TAFA2: variants seen among roughly 807,000 people sequenced by gnomAD.
The protein encoded by TAFA2 is TAFA chemokine like family member 2, also known as chemokine-like protein TAFA-2.
Under a neutral mutation model 18.8 loss-of-function variants are expected in TAFA2, and 7 were observed. The observed-to-expected ratio is 0.37, with a 90% CI of 0.21 to 0.70. The LOEUF (loss-of-function observed/expected upper bound fraction) is 0.70. Ranked by LOEUF, TAFA2 falls within the 30% of genes least tolerant of loss-of-function variation. The probability of loss-of-function intolerance (pLI) is 0.53; values close to 1 mark genes in which losing one functional copy is unlikely to be tolerated. For synonymous variants in TAFA2, 60 were observed against 54.2 expected, an observed-to-expected ratio of 1.11 and a Z score of -0.47; for missense variants, 122 against 158.1, an observed-to-expected ratio of 0.77 and a Z score of 1.23.
At chr12:61,874,470 A>G (rs972560677) in intron 1 of TAFA2, among the ~76,000 whole-genome samples, 2 of 152,156 alleles carry the variant, frequency 1.3e-5, no homozygotes, top group South Asian at 2.1e-4. Flanking sequence ...CACAAGCCTC[A>G]TTTAAGAACC....
chr12:61,862,302 A>T (rs1043233073), intron 2 of TAFA2, among the ~76,000 whole-genome samples: 1 of 152,226 alleles, frequency 6.6e-6, no homozygotes, highest in Non-Finnish European at 1.5e-5. Flanking sequence ...CAAAATGCCC[A>T]GCTCAATATA....
intron 1 of TAFA2, among the ~76,000 whole-genome samples, chr12:62,236,501 G>A (rs184877406): frequency 1.6e-4 from 25 of 152,164 alleles, no homozygotes; most frequent in African/African-American, 3.6e-4. Context: ...TCCTGACCTC[G>A]TGATCTACCC....
At chr12:61,999,255 C>T (rs1023221913) in intron 1 of TAFA2, among the ~76,000 whole-genome samples, 2 of 152,152 alleles carry the variant, frequency 1.3e-5, no homozygotes, top group Non-Finnish European at 2.9e-5. Context: ...GTCCCATACG[C>T]TTCATGCAAT....
At chr12:62,044,469 A>G (rs1254588236) in intron 1 of TAFA2, among the ~76,000 whole-genome samples, 1 of 152,128 alleles carries the variant, frequency 6.6e-6, no homozygotes. Context: ...CCAAGTGTGG[A>G]CATTTCCCAC....
chr12:62,159,380 T>A (rs538895964), intron 1 of TAFA2, among the ~76,000 whole-genome samples: 1 of 152,298 alleles, frequency 6.6e-6, no homozygotes, highest in South Asian at 2.1e-4. Flanking sequence ...GAGTAGACTA[T>A]GGTGAATTAC....
At chr12:61,909,403 TG>T (rs1876505345) in intron 1 of TAFA2, among the ~76,000 whole-genome samples, 1 of 152,182 alleles carries the variant, frequency 6.6e-6, no homozygotes, top group South Asian at 2.1e-4. Context: ...AATACACATT[TG>T]GAACTTATCA....
chr12:62,201,312 T>C (rs944123077), intron 1 of TAFA2, among the ~76,000 whole-genome samples: 1 of 152,202 alleles, frequency 6.6e-6, no homozygotes. Flanking sequence ...ATCCTTGTCT[T>C]ATGCTGGTTA....
intron 1 of TAFA2, among the ~76,000 whole-genome samples, chr12:62,017,355 C>T (rs953984242): frequency 2.6e-5 from 4 of 151,974 alleles, no homozygotes; most frequent in South Asian, 4.2e-4. Context: ...TTTAGATATT[C>T]GTATTTTGTT....
At chr12:61,744,430 G>C (rs533796644) in intron 4 of TAFA2, among the ~76,000 whole-genome samples, 1 of 151,920 alleles carries the variant, frequency 6.6e-6, no homozygotes, top group South Asian at 2.1e-4. Flanking sequence ...ACATAGAGCC[G>C]GATGATATAT....
chr12:62,215,168 T>C (rs2062729149), intron 1 of TAFA2, among the ~76,000 whole-genome samples: 1 of 152,150 alleles, frequency 6.6e-6, no homozygotes, highest in African/African-American at 2.4e-5. Flanking sequence ...TACCTCCAGG[T>C]TTTGGAATTG....
chr12:62,148,226 C>A (rs2062301633), intron 1 of TAFA2, among the ~76,000 whole-genome samples: 1 of 152,044 alleles, frequency 6.6e-6, no homozygotes, highest in Non-Finnish European at 1.5e-5. Context: ...GTCATTCTAC[C>A]AAAAATACAC....
chr12:62,149,663 C>A (rs558243291), intron 1 of TAFA2, among the ~76,000 whole-genome samples: 1 of 150,660 alleles, frequency 6.6e-6, no homozygotes, highest in Non-Finnish European at 1.5e-5. Context: ...CTTAATTTTA[C>A]AAATTACTAT....
intron 1 of TAFA2, among the ~76,000 whole-genome samples, chr12:62,057,218 A>G (rs557857796): frequency 2.0e-5 from 3 of 152,198 alleles, no homozygotes; most frequent in African/African-American, 7.2e-5. Context: ...GATTTTCAAA[A>G]TTTTCCCCCT....
At chr12:62,239,226 T>C (rs1325915337) in intron 1 of TAFA2, among the ~76,000 whole-genome samples, 2 of 152,192 alleles carry the variant, frequency 1.3e-5, no homozygotes, top group East Asian at 1.9e-4. Context: ...GCTGATTATA[T>C]TTTCTAAAGG....
intron 2 of TAFA2, among the ~76,000 whole-genome samples, chr12:61,809,948 A>G (rs1412457010): frequency 6.6e-6 from 1 of 151,120 alleles, no homozygotes; most frequent in Non-Finnish European, 1.5e-5. Flanking sequence ...GCAACTTCCT[A>G]ACCCCACAAT....
intron 1 of TAFA2, among the ~76,000 whole-genome samples, chr12:62,191,008 G>A (rs1007739916): frequency 6.6e-6 from 1 of 152,054 alleles, no homozygotes; most frequent in African/African-American, 2.4e-5. Context: ...GCCTCATTTC[G>A]CATGCTCCGA....
Position 62,003,859 on chromosome 12 carries a change from A to G in TAFA2, c.-1-136433T>C, listed in dbSNP as rs868788656. 2.0e-4 allele frequency among the ~76,000 whole-genome samples: 30 copies of G among 152,364 alleles called. 1 individual carries two copies. Among genetic ancestry groups the G allele is most frequent in the African/African-American group, 7.2e-4 (30 of 41,590 alleles). ...GTGTGACTTGCTGGATTTCAAAAGA[A>G]GCAGAACCAGACTTGAGTAGACTTT... On this transcript the variant is annotated intron_variant, in intron 1 of 4. Transcript: ENST00000416284.
At chr12:61,861,309 T>C (rs1023339994) in intron 2 of TAFA2, among the ~76,000 whole-genome samples, 6 of 149,604 alleles carry the variant, frequency 4.0e-5, no homozygotes, top group Non-Finnish European at 5.9e-5. Context: ...TCACTCAGGC[T>C]GGAGTGCAAT....
intron 1 of TAFA2, among the ~76,000 whole-genome samples, chr12:62,202,821 C>CTTTTTTTTTTTTTTTTTTTTT (rs71083986): frequency 1.6e-5 from 1 of 61,626 alleles, no homozygotes; most frequent in Non-Finnish European, 3.0e-5. Context: ...CTGTGTGGTT[C>CTTTTTTTTTTTTTTTTTTTTT]TTTTTTTTTT....
Sources: allele counts gnomAD v4.1 joint callset (sites outside exome capture counted in the v4.1 genomes callset), GRCh38; gene constraint gnomAD v4.1.1; transcripts MANE v1.5; gene names NCBI Gene and HGNC (gene_info 2026-07-23, HGNC 2026-07-21).